NUP210L: variants seen among roughly 807,000 people sequenced by gnomAD.
NUP210L encodes nucleoporin 210 like, also known as nuclear pore membrane glycoprotein 210-like.
NUP210L carries 74 observed loss-of-function variants against 208.5 expected under a neutral mutation model. The ratio of observed to expected loss-of-function variants is 0.35; its 90% CI spans 0.29 to 0.43. The LOEUF is 0.43. NUP210L is among the 20% of genes least tolerant of loss of function. NUP210L has a pLI of 1.00. For missense variants in NUP210L, 1,843 were observed against 2,289.4 expected, an observed-to-expected ratio of 0.81 and a Z score of 3.98; for synonymous variants, 780 against 816.9, an observed-to-expected ratio of 0.95 and a Z score of 0.77.
At chr1:154,006,964 ATATT>A (rs1187814580) in intron 35 of NUP210L, among the ~76,000 whole-genome samples, 6 of 114,842 alleles carry the variant, frequency 5.2e-5, no homozygotes, top group African/African-American at 1.2e-4. Context: ...ATATATATAT[ATATT>A]TTTTTTTTTT....
intron 17 of NUP210L, among the ~76,000 whole-genome samples, chr1:154,066,325 A>G (rs1654411966): frequency 6.6e-6 from 1 of 152,330 alleles, no homozygotes; most frequent in South Asian, 2.1e-4. Context: ...CAAGAAATCA[A>G]TGAATCGCTG....
exon 28 of NUP210L, chr1:154,029,946 C>T: frequency 6.2e-7 from 1 of 1,611,826 alleles, no homozygotes; most frequent in East Asian, 2.2e-5. Flanking sequence ...TCAAACTGCC[C>T]AGAGGAACTG....
chr1:154,133,874 G>A (rs986782976), intron 7 of NUP210L, among the ~76,000 whole-genome samples: 1 of 151,446 alleles, frequency 6.6e-6, no homozygotes, highest in Admixed American at 6.6e-5. Flanking sequence ...TTTTGGCCAG[G>A]CACAGTGGCT....
intron 2 of NUP210L, among the ~76,000 whole-genome samples, chr1:154,148,392 C>T (rs2148157417): frequency 6.6e-6 from 1 of 152,022 alleles, no homozygotes; most frequent in Non-Finnish European, 1.5e-5. Flanking sequence ...TTAGGGTGGG[C>T]AGATCACTTG....
At chr1:154,054,856 C>A in intron 23 of NUP210L, 24 bp from the exon 24 acceptor site, 1 of 1,540,478 alleles carries the variant, frequency 6.5e-7, no homozygotes, top group South Asian at 1.1e-5. Context: ...ACCAAAAGGA[C>A]AACAGTAACT....
At chr1:154,050,044 C>T (rs982283988) in intron 25 of NUP210L, among the ~76,000 whole-genome samples, 2 of 152,022 alleles carry the variant, frequency 1.3e-5, no homozygotes, top group African/African-American at 2.4e-5. Context: ...TGCCCCCACT[C>T]GAGAAATATT....
intron 27 of NUP210L, among the ~76,000 whole-genome samples, chr1:154,035,135 C>T (rs1420890784): frequency 6.6e-6 from 1 of 152,080 alleles, no homozygotes; most frequent in Non-Finnish European, 1.5e-5. Context: ...CCACCACGCC[C>T]AGCCAATGTC....
intron 17 of NUP210L, among the ~76,000 whole-genome samples, chr1:154,066,441 C>G (rs1328947836): frequency 6.6e-6 from 1 of 152,120 alleles, no homozygotes; most frequent in African/African-American, 2.4e-5. Flanking sequence ...GAAACCCTGT[C>G]TCTACTAAAA....
intron 15 of NUP210L, among the ~76,000 whole-genome samples, chr1:154,092,392 C>T (rs1307886213): frequency 2.7e-5 from 4 of 146,318 alleles, no homozygotes; most frequent in African/African-American, 1.0e-4. Context: ...TTTTTTTTTA[C>T]GCAGTCTCAC....
rs148491944 is a variant in NUP210L at position 154,030,150 on chromosome 1, TTAAAAA to T, written c.3697-102_3697-97del. On this transcript the variant is annotated intron_variant, in intron 27 of 39. Coordinates refer to ENST00000368559, the Ensembl canonical transcript of NUP210L. ...TTTTAATATTAAATTTTTTTTTAAA[TTAAAAA>T]TAAAAAGTCAGGAAAGGGTGGGAGG... is the stretch of plus-strand genomic sequence containing the variant. 2,108 of 888,248 alleles carry T rather than the reference TTAAAAA, an allele frequency of 2.4e-3. 36 individuals carry two copies. In the African/African-American group the frequency reaches 0.034, roughly 15 times the overall value. 55.0% of individuals were successfully genotyped at this position (888,248 alleles called of 1,614,324 possible).
intron 15 of NUP210L, among the ~76,000 whole-genome samples, chr1:154,090,383 T>C (rs1169386619): frequency 6.6e-6 from 1 of 152,098 alleles, no homozygotes; most frequent in Admixed American, 6.6e-5. Flanking sequence ...TTAGGAAACT[T>C]CAAATGAGGG....
At chr1:154,106,580 C>T (rs750828158) in intron 12 of NUP210L, among the ~76,000 whole-genome samples, 1 of 152,238 alleles carries the variant, frequency 6.6e-6, no homozygotes, top group Non-Finnish European at 1.5e-5. Flanking sequence ...AGCTTTGGGT[C>T]TGACCCAGTG....
chr1:154,106,771 C>T (rs1242872563), intron 12 of NUP210L, among the ~76,000 whole-genome samples: 1 of 152,234 alleles, frequency 6.6e-6, no homozygotes, highest in Non-Finnish European at 1.5e-5. Flanking sequence ...AGCAGTACCT[C>T]TACAAGTCTG....
chr1:154,076,206 T>C (rs1819664), intron 16 of NUP210L, among the ~76,000 whole-genome samples: 132,550 of 150,410 alleles, frequency 0.88, 58,495 homozygotes, highest in East Asian at 1. Flanking sequence ...CAGGTTCAAG[T>C]GATTCTCCTG....
intron 17 of NUP210L, among the ~76,000 whole-genome samples, chr1:154,061,921 G>A (rs974861602): frequency 2.0e-5 from 3 of 152,004 alleles, no homozygotes; most frequent in Non-Finnish European, 4.4e-5. Context: ...ACAACCTCCC[G>A]GGTTCAAGCA....
chr1:154,056,214 C>T (rs1285539807), intron 23 of NUP210L, among the ~76,000 whole-genome samples: 1 of 152,104 alleles, frequency 6.6e-6, no homozygotes, highest in Non-Finnish European at 1.5e-5. Flanking sequence ...TGCAGTGGCA[C>T]GATCATGGCT....
chr1:154,134,818 C>T (rs1446212487), intron 7 of NUP210L, among the ~76,000 whole-genome samples: 1 of 151,360 alleles, frequency 6.6e-6, no homozygotes, highest in Admixed American at 6.6e-5. Flanking sequence ...TCACCGCAAC[C>T]TCCACTTCCC....
chr1:154,041,522 C>T (rs1571204380), intron 27 of NUP210L, among the ~76,000 whole-genome samples: 1 of 151,458 alleles, frequency 6.6e-6, no homozygotes, highest in South Asian at 2.1e-4. Flanking sequence ...GTAGAGACGG[C>T]GTTTCACCAT....
chr1:154,014,835 C>A (rs547769870), intron 33 of NUP210L, among the ~76,000 whole-genome samples: 1 of 152,140 alleles, frequency 6.6e-6, no homozygotes, highest in South Asian at 2.1e-4. Flanking sequence ...AAAACCCTGC[C>A]TCTACTAAAA....
Sources: gnomAD v4.1 joint callset for allele counts (sites outside exome capture counted in the v4.1 genomes callset) on GRCh38, gnomAD v4.1.1 for gene constraint, MANE v1.5 for transcripts, NCBI Gene and HGNC (gene_info 2026-07-23, HGNC 2026-07-21) for gene names.